RPTOR: variants seen among roughly 807,000 people sequenced by gnomAD.
The protein encoded by RPTOR is regulatory associated protein of MTOR complex 1, also known as regulatory-associated protein of mTOR.
RPTOR carries 21 observed loss-of-function variants against 169.9 expected under a neutral mutation model. That is an observed-to-expected ratio of 0.12 (90% CI 0.09 to 0.18). The LOEUF is 0.18. Among genes scored for constraint, RPTOR ranks in the 10% least tolerant of loss-of-function variants. The pLI is 1.00. For synonymous variants in RPTOR, 732 were observed against 753.2 expected, an observed-to-expected ratio of 0.97 and a Z score of 0.46; for missense variants, 1,133 against 1,855.9, an observed-to-expected ratio of 0.61 and a Z score of 7.16.
At chr17:80,921,947 C>T (rs1020077256) in intron 21 of RPTOR, among the ~76,000 whole-genome samples, 1 of 152,220 alleles carries the variant, frequency 6.6e-6, no homozygotes, top group African/African-American at 2.4e-5. Flanking sequence ...AGGATGACCA[C>T]AGCCCCTCGG....
intron 1 of RPTOR, among the ~76,000 whole-genome samples, chr17:80,607,241 C>T (rs1319074568): frequency 6.6e-6 from 1 of 152,136 alleles, no homozygotes. Flanking sequence ...GCCCAGCTTT[C>T]TTCAACCTGA....
chr17:80,597,241 G>C (rs1018190133), intron 1 of RPTOR, among the ~76,000 whole-genome samples: 1 of 152,178 alleles, frequency 6.6e-6, no homozygotes, highest in African/African-American at 2.4e-5. Flanking sequence ...ACTTGAGCTG[G>C]GACTTGAAGA....
chr17:80,884,964 T>C (rs1266492764), intron 16 of RPTOR, 44 bp from the exon 17 acceptor site: 3 of 1,583,880 alleles, frequency 1.9e-6, no homozygotes, highest in Admixed American at 1.8e-5. Flanking sequence ...GGCTGCAGCA[T>C]GGCCCGGTGT....
intron 1 of RPTOR, among the ~76,000 whole-genome samples, chr17:80,570,873 T>C (rs1480761083): frequency 6.6e-6 from 1 of 152,206 alleles, no homozygotes; most frequent in African/African-American, 2.4e-5. Context: ...CACACAGCAT[T>C]AATATTTAAG....
At chr17:80,852,543 G>T (rs1199463164) in intron 11 of RPTOR, among the ~76,000 whole-genome samples, 1 of 152,162 alleles carries the variant, frequency 6.6e-6, no homozygotes, top group Non-Finnish European at 1.5e-5. Flanking sequence ...CTGGGTCCAT[G>T]GTGAACCCAG....
intron 2 of RPTOR, among the ~76,000 whole-genome samples, chr17:80,641,080 G>A (rs2065550421): frequency 6.6e-6 from 1 of 152,146 alleles, no homozygotes. Flanking sequence ...GTACTTCGTG[G>A]CCCCTATTTT....
rs1262757467 is a variant in RPTOR, at chr17:80,918,466, CGCCGGA to C, written c.2521-4256_2521-4251del. ...CCGGAGTCATAGCCACGAGCACCCTCGCCGGAGTCATAGCCACGAGCACCCTCGCGG... is the reference window on the plus strand; with the variant it reads ...CCGGAGTCATAGCCACGAGCACCCTCGTCATAGCCACGAGCACCCTCGCGG... On this transcript the variant is annotated intron_variant, in intron 21 of 33. Transcript: ENST00000306801. Among the ~76,000 whole-genome samples, 39 of 124,908 alleles carry C rather than the reference CGCCGGA, an allele frequency of 3.1e-4. 1 individual carries two copies. Among genetic ancestry groups the C allele is most frequent in the African/African-American group, 1.1e-3 (35 of 32,256 alleles). The allele number at this position is 124,908 out of a possible 152,430, so 81.9% of individuals were successfully genotyped here.
At chr17:80,760,427 G>A (rs1029158933) in intron 6 of RPTOR, among the ~76,000 whole-genome samples, 6 of 145,592 alleles carry the variant, frequency 4.1e-5, no homozygotes, top group East Asian at 2.1e-4. Flanking sequence ...TCAGCCTCCC[G>A]AGTAGCTGGG....
chr17:80,742,479 GCACATA>G (rs2066491008), intron 5 of RPTOR, among the ~76,000 whole-genome samples: 1 of 151,796 alleles, frequency 6.6e-6, no homozygotes, highest in Non-Finnish European at 1.5e-5. Flanking sequence ...ATAAGCACAT[GCACATA>G]CAGACATGTA....
intron 9 of RPTOR, among the ~76,000 whole-genome samples, chr17:80,829,424 GTTCATATT>G (rs2067479251): frequency 6.6e-6 from 1 of 152,206 alleles, no homozygotes; most frequent in South Asian, 2.1e-4. Flanking sequence ...GTAGCCAAAA[GTTCATATT>G]TTCATTTTTA....
intron 5 of RPTOR, among the ~76,000 whole-genome samples, chr17:80,733,339 T>G (rs1260401766): frequency 6.6e-6 from 1 of 152,262 alleles, no homozygotes; most frequent in African/African-American, 2.4e-5. Context: ...CTCTCCGCTT[T>G]CAGTCTTCTT....
At chr17:80,585,612 G>A (rs1568320184) in intron 1 of RPTOR, among the ~76,000 whole-genome samples, 1 of 152,224 alleles carries the variant, frequency 6.6e-6, no homozygotes. Flanking sequence ...CACTTGCGTA[G>A]GGTGGTCCTG....
rs543933989 is a variant in RPTOR at position 80,652,680 on chromosome 17, C to T, written c.348+8870C>T. 5.3e-5 allele frequency among the ~76,000 whole-genome samples: 8 copies of T among 152,288 alleles called. No homozygotes were observed. In the South Asian group the frequency reaches 1.7e-3, roughly 32 times the overall value. On this transcript the variant is annotated intron_variant, in intron 3 of 33. Transcript: ENST00000306801. ...CTGTTGATGGACACTTTCATGGTTT[C>T]CACCTTTTAGCTATTTGAATAATGC...
intron 3 of RPTOR, among the ~76,000 whole-genome samples, chr17:80,677,466 G>A (rs2065868920): frequency 6.6e-6 from 1 of 152,088 alleles, no homozygotes; most frequent in Non-Finnish European, 1.5e-5. Flanking sequence ...TACCTGGGAG[G>A]AAAAATTGCT....
intron 24 of RPTOR, among the ~76,000 whole-genome samples, chr17:80,928,110 T>C (rs1415509315): frequency 6.6e-6 from 1 of 152,220 alleles, no homozygotes. Context: ...CTGGGTGTCA[T>C]GATGGAAAAG....
intron 3 of RPTOR, among the ~76,000 whole-genome samples, chr17:80,674,684 A>G (rs1323225261): frequency 6.7e-6 from 1 of 149,422 alleles, no homozygotes; most frequent in Non-Finnish European, 1.5e-5. Context: ...GCTACCTGGG[A>G]GGCTGAGGCA....
chr17:80,837,152 G>A (rs2067572891), intron 9 of RPTOR, among the ~76,000 whole-genome samples: 1 of 152,156 alleles, frequency 6.6e-6, no homozygotes, highest in Non-Finnish European at 1.5e-5. Flanking sequence ...ACTCAAGAGG[G>A]ACAGTGTGGT....
At chr17:80,950,400 T>G (rs546869120) in intron 28 of RPTOR, among the ~76,000 whole-genome samples, 1 of 152,180 alleles carries the variant, frequency 6.6e-6, no homozygotes, top group Non-Finnish European at 1.5e-5. Flanking sequence ...TGGCTCTGTC[T>G]CCGCCCTTCT....
At chr17:80,586,862 T>C (rs1015477441) in intron 1 of RPTOR, among the ~76,000 whole-genome samples, 3 of 145,802 alleles carry the variant, frequency 2.1e-5, no homozygotes, top group African/African-American at 7.3e-5. Context: ...CTTTTTGCCA[T>C]GTGTGATAGC....
Sources: gnomAD v4.1 joint callset for allele counts (sites outside exome capture counted in the v4.1 genomes callset) on GRCh38, gnomAD v4.1.1 for gene constraint, MANE v1.5 for transcripts, NCBI Gene and HGNC (gene_info 2026-07-23, HGNC 2026-07-21) for gene names.